TNFSF4: variants seen among roughly 807,000 people sequenced by gnomAD.
TNFSF4 encodes TNF superfamily member 4, also known as tumor necrosis factor ligand superfamily member 4.
Under a neutral mutation model 7.3 loss-of-function variants are expected in TNFSF4, and 4 were observed. That is an observed-to-expected ratio of 0.55 (90% CI 0.27 to 1.25). The LOEUF (loss-of-function observed/expected upper bound fraction) is 1.25. TNFSF4 is among the 50% of genes most tolerant of loss of function. The probability of loss-of-function intolerance (pLI) is 0.12; values close to 1 mark genes in which losing one functional copy is unlikely to be tolerated. For synonymous variants in TNFSF4, 76 were observed against 83.7 expected (o/e 0.91, Z 0.50); for missense variants, 181 against 208.8 (o/e 0.87, Z 0.82).
the TNFSF4 span, among the ~76,000 whole-genome samples, chr1:173,264,901 T>A: frequency 2.0e-5 from 3 of 152,212 alleles, no homozygotes; most frequent in Admixed American, 2.0e-4. Flanking sequence ...AGGACAAGGT[T>A]ATTGAATGAA....
chr1:173,214,909 G>C, the TNFSF4 span, among the ~76,000 whole-genome samples: 1 of 152,176 alleles, frequency 6.6e-6, no homozygotes, highest in Non-Finnish European at 1.5e-5. Context: ...GTTAAACCAA[G>C]ATCATCTGGG....
the TNFSF4 span, among the ~76,000 whole-genome samples, chr1:173,420,205 C>CA: frequency 1.3e-5 from 2 of 151,526 alleles, no homozygotes; most frequent in African/African-American, 4.8e-5. Context: ...CTCTTTAAAA[C>CA]AAACAAACAA....
At chr1:173,194,377 T>C (rs1388498164) in intron 1 of TNFSF4, among the ~76,000 whole-genome samples, 6 of 152,214 alleles carry the variant, frequency 3.9e-5, no homozygotes, top group African/African-American at 1.4e-4. Flanking sequence ...GGGAAAATAG[T>C]CCCTGTACAT....
the TNFSF4 span, among the ~76,000 whole-genome samples, chr1:173,340,511 A>G: frequency 2.6e-4 from 39 of 152,240 alleles, no homozygotes; most frequent in African/African-American, 9.1e-4. Flanking sequence ...AAAAAGGTTA[A>G]GCAATTTAAT....
intron 1 of TNFSF4, among the ~76,000 whole-genome samples, chr1:173,189,580 C>T (rs1649386398): frequency 6.6e-6 from 1 of 152,016 alleles, no homozygotes; most frequent in South Asian, 2.1e-4. Context: ...AAAACTTTTA[C>T]AGTACTTTTG....
chr1:173,249,186 C>T, the TNFSF4 span, among the ~76,000 whole-genome samples: 3 of 152,130 alleles, frequency 2.0e-5, no homozygotes, highest in Admixed American at 6.5e-5. Context: ...CAGGACCATT[C>T]TTCAAGGTGG....
At chr1:173,321,039 G>C in the TNFSF4 span, among the ~76,000 whole-genome samples, 180 of 152,300 alleles carry the variant, frequency 1.2e-3, 1 homozygote, top group African/African-American at 4.0e-3. Context: ...TAAGCAAAAA[G>C]AACAAAGCTG....
chr1:173,260,081 C>A, the TNFSF4 span, among the ~76,000 whole-genome samples: 1 of 152,074 alleles, frequency 6.6e-6, no homozygotes, highest in Non-Finnish European at 1.5e-5. Context: ...ATGTTAAGGG[C>A]AGCCAGAGAG....
chr1:173,182,589 A>C (rs1228437304), downstream of TNFSF4, among the ~76,000 whole-genome samples: 1 of 152,230 alleles, frequency 6.6e-6, no homozygotes, highest in Non-Finnish European at 1.5e-5. Context: ...GAGACAATGG[A>C]AATAACAATT....
the TNFSF4 span, among the ~76,000 whole-genome samples, chr1:173,438,434 A>G: frequency 6.6e-6 from 1 of 152,184 alleles, no homozygotes; most frequent in Non-Finnish European, 1.5e-5. Context: ...ATTAAAAAGT[A>G]TCTCACTGTA....
At chr1:173,433,560 G>A in the TNFSF4 span, among the ~76,000 whole-genome samples, 6 of 151,690 alleles carry the variant, frequency 4.0e-5, no homozygotes, top group Non-Finnish European at 7.4e-5. Context: ...AAAATACTTG[G>A]CTATGGTGGC....
chr1:173,198,466 C>G (rs1649800289), intron 1 of TNFSF4, among the ~76,000 whole-genome samples: 1 of 152,322 alleles, frequency 6.6e-6, no homozygotes, highest in African/African-American at 2.4e-5. Context: ...AAGCAGCAGG[C>G]CTCTTTTTCC....
the TNFSF4 span, among the ~76,000 whole-genome samples, chr1:173,311,947 T>G: frequency 1.3e-5 from 2 of 152,152 alleles, no homozygotes; most frequent in Non-Finnish European, 2.9e-5. Context: ...ATCCTTGAAT[T>G]AGCAATGTCT....
chr1:173,185,876 T>C lies in TNFSF4; in HGVS notation c.*640A>G, dbSNP rs983878730. ...ATGTTTGGAGGCTGGGAAAGCAAAA[T>C]GGTAAAGAAAAAAAGCACGTGGTAT... On this transcript the variant is annotated 3_prime_UTR_variant, in exon 3 of 3. Transcript: ENST00000281834. 2.7e-5 allele frequency: 4 copies of C among 147,592 alleles called. No individual in the cohort carries two copies. The highest frequency in any genetic ancestry group is 9.7e-5 in the African/African-American group (4 of 41,240). 9.1% of individuals were successfully genotyped at this position (147,592 alleles called of 1,614,324 possible). A position where few individuals can be genotyped will look rare whatever the true frequency, so the allele number is the denominator to read the frequency against.
At chr1:173,370,242 C>A in the TNFSF4 span, among the ~76,000 whole-genome samples, 2 of 152,188 alleles carry the variant, frequency 1.3e-5, no homozygotes, top group South Asian at 2.1e-4. Flanking sequence ...TTAGATCAAA[C>A]CCTGGCCTTT....
the TNFSF4 span, among the ~76,000 whole-genome samples, chr1:173,340,532 G>A: frequency 6.6e-6 from 1 of 152,198 alleles, no homozygotes; most frequent in East Asian, 1.9e-4. Context: ...GGGTGAGGAA[G>A]TTTTTTTGAA....
chr1:173,190,397 CGAG>C (rs1243221418), intron 1 of TNFSF4, among the ~76,000 whole-genome samples: 1 of 152,152 alleles, frequency 6.6e-6, no homozygotes, highest in Admixed American at 6.5e-5. Context: ...CCCACACAGA[CGAG>C]GAATTCCCTA....
At chr1:173,282,706 C>A in the TNFSF4 span, among the ~76,000 whole-genome samples, 8 of 152,124 alleles carry the variant, frequency 5.3e-5, no homozygotes, top group South Asian at 2.1e-4. Context: ...ATCCACCCAC[C>A]TTGGTCTTCC....
the TNFSF4 span, among the ~76,000 whole-genome samples, chr1:173,419,905 C>CGG: frequency 8.3e-4 from 125 of 150,432 alleles, no homozygotes; most frequent in African/African-American, 2.8e-3. Context: ...GTTTGTGTGG[C>CGG]GGGGGGGGGG....
Sources: allele counts gnomAD v4.1 joint callset (sites outside exome capture counted in the v4.1 genomes callset), GRCh38; gene constraint gnomAD v4.1.1; transcripts MANE v1.5; gene names NCBI Gene and HGNC (gene_info 2026-07-23, HGNC 2026-07-21).